The following CAPZB variants were observed in gnomAD, a reference collection of about 807,000 sequenced individuals.
CAPZB encodes the protein capping actin protein of muscle Z-line subunit beta.
In CAPZB, 2 loss-of-function variants were observed where a neutral mutation model predicts 38.1. The observed-to-expected ratio is 0.05, with a 90% CI of 0.02 to 0.17. The LOEUF (loss-of-function observed/expected upper bound fraction) is 0.17. CAPZB is among the 10% of genes least tolerant of loss of function. The pLI is 1.00. For synonymous variants in CAPZB, 107 were observed against 127.4 expected, an observed-to-expected ratio of 0.84 and a Z score of 1.08; for missense variants, 161 against 334.2, an observed-to-expected ratio of 0.48 and a Z score of 4.04.
At chr1:19,460,474 A>G (rs12561994) in intron 1 of CAPZB, among the ~76,000 whole-genome samples, 1 of 147,572 alleles carries the variant, frequency 6.8e-6, no homozygotes, top group African/African-American at 2.5e-5. Context: ...GACAGGTTTC[A>G]CCGTGTTAGC....
At chr1:19,450,539 C>A (rs537765523) in intron 1 of CAPZB, among the ~76,000 whole-genome samples, 1 of 152,106 alleles carries the variant, frequency 6.6e-6, no homozygotes, top group African/African-American at 2.4e-5. Context: ...GCCTGTAAGA[C>A]AGCTTATGTT....
At chr1:19,381,136 T>A (rs1191484243) in intron 3 of CAPZB, among the ~76,000 whole-genome samples, 1 of 151,560 alleles carries the variant, frequency 6.6e-6, no homozygotes, top group African/African-American at 2.4e-5. Context: ...GCCACTGCAC[T>A]CCAGCCTGGG....
intron 3 of CAPZB, among the ~76,000 whole-genome samples, chr1:19,384,225 C>G (rs1220035623): frequency 6.6e-6 from 1 of 152,140 alleles, no homozygotes; most frequent in East Asian, 1.9e-4. Flanking sequence ...GGCCATGCCT[C>G]CTCCCTCATC....
In CAPZB at chr1:19,432,810, A is replaced by G. The variant is rs76463187; in HGVS notation, c.4-13060T>C. On this transcript the variant is annotated intron_variant, in intron 1 of 8. Coordinates refer to ENST00000264202, the MANE Select transcript of CAPZB (RefSeq NM_004930.5). ...CTCCAAAGAATGTTAAACACTCCCAATGAAATAAAATTAATTTCTAACGAC... is the reference window on the plus strand; with the variant it reads ...CTCCAAAGAATGTTAAACACTCCCAGTGAAATAAAATTAATTTCTAACGAC... 9.9e-3 allele frequency among the ~76,000 whole-genome samples: 1,511 copies of G among 152,370 alleles called. 62 individuals are homozygous for G. The East Asian group carries it at 0.12, about 12-fold the overall frequency.
At position 19,452,314 on chromosome 1, in the gene CAPZB, G is replaced by A. The variant is rs529137201; in HGVS notation, c.4-32564C>T. 2.2e-4 allele frequency among the ~76,000 whole-genome samples: 33 copies of A among 152,270 alleles called. No homozygotes were observed. In the Middle Eastern group the frequency reaches 0.014, roughly 63 times the overall value. On this transcript the variant is annotated intron_variant, in intron 1 of 8. Transcript: ENST00000264202. ...ATCTCCCTCCAGATGCCATGACCCCGTAGTTGTTGATCATTGCCCCCACTG... is the reference window on the plus strand; with the variant it reads ...ATCTCCCTCCAGATGCCATGACCCCATAGTTGTTGATCATTGCCCCCACTG...
intron 6 of CAPZB, among the ~76,000 whole-genome samples, chr1:19,352,300 G>GA (rs1327065157): frequency 2.6e-5 from 4 of 152,230 alleles, no homozygotes; most frequent in Non-Finnish European, 5.9e-5. Flanking sequence ...GCTGAGTGGG[G>GA]AGAGACTGCT....
intron 1 of CAPZB, among the ~76,000 whole-genome samples, chr1:19,450,105 T>C (rs773316229): frequency 7.8e-5 from 10 of 128,108 alleles, no homozygotes; most frequent in East Asian, 2.3e-4. Flanking sequence ...AATTGTACCA[T>C]TGCACTCCAA....
At chr1:19,404,826 G>C (rs2094322845) in intron 2 of CAPZB, among the ~76,000 whole-genome samples, 1 of 152,120 alleles carries the variant, frequency 6.6e-6, no homozygotes, top group Non-Finnish European at 1.5e-5. Flanking sequence ...TGGATGATTT[G>C]CACCAAGTAT....
At chr1:19,408,749 C>T (rs2094344535) in intron 2 of CAPZB, among the ~76,000 whole-genome samples, 1 of 152,228 alleles carries the variant, frequency 6.6e-6, no homozygotes. Flanking sequence ...GACCCAAAGA[C>T]CTGCAATTCC....
intron 1 of CAPZB, among the ~76,000 whole-genome samples, chr1:19,460,136 T>C (rs1046675797): frequency 6.6e-6 from 1 of 152,304 alleles, no homozygotes; most frequent in Middle Eastern, 3.4e-3. Flanking sequence ...ATCTGTAAAA[T>C]TGTGAAGGAA....
intron 2 of CAPZB, among the ~76,000 whole-genome samples, chr1:19,418,684 C>T (rs1225558170): frequency 1.3e-5 from 2 of 152,208 alleles, no homozygotes; most frequent in Non-Finnish European, 2.9e-5. Context: ...AATAGTCGCA[C>T]TACAGACCTT....
chr1:19,455,897 A>G (rs1187336180), intron 1 of CAPZB, among the ~76,000 whole-genome samples: 1 of 152,176 alleles, frequency 6.6e-6, no homozygotes, highest in African/African-American at 2.4e-5. Flanking sequence ...ATTTTATAAG[A>G]TTCTTATATG....
chr1:19,428,245 A>C (rs1361465436), intron 1 of CAPZB, among the ~76,000 whole-genome samples: 3 of 152,196 alleles, frequency 2.0e-5, no homozygotes, highest in Non-Finnish European at 2.9e-5. Flanking sequence ...TCTACTAAAA[A>C]TACAAAAATT....
chr1:19,480,381 T>C (rs949072584), intron 1 of CAPZB, among the ~76,000 whole-genome samples: 1 of 152,156 alleles, frequency 6.6e-6, no homozygotes, highest in Non-Finnish European at 1.5e-5. Flanking sequence ...CCAAGGGAAT[T>C]AGCCGCCTCA....
In CAPZB at chr1:19,356,420, C is replaced by T. The variant is rs2094021247; in HGVS notation, c.588+215G>A. ...GCCACAGCCAGCACCCGGCCTCCCTCAGCAGGAGGCCAGCAGAGTGCCAGC... is the reference window on the plus strand; with the variant it reads ...GCCACAGCCAGCACCCGGCCTCCCTTAGCAGGAGGCCAGCAGAGTGCCAGC... On this transcript the variant is annotated intron_variant, in intron 6 of 8. Transcript: ENST00000264202. This position sits in a 1 kb window ranked among gnomAD's most constrained non-coding sequence, Gnocchi z 4.3. Among the ~76,000 whole-genome samples the T allele has an allele frequency of 6.6e-6, 1 of 152,236 alleles. No homozygotes were observed. The highest frequency in any genetic ancestry group is 1.5e-5 in the Non-Finnish European group (1 of 68,046).
chr1:19,406,200 G>C (rs1246192547), intron 2 of CAPZB, among the ~76,000 whole-genome samples: 1 of 152,168 alleles, frequency 6.6e-6, no homozygotes, highest in African/African-American at 2.4e-5. Context: ...AAAGGAGGAG[G>C]GCGGGACTAT....
chr1:19,346,473 A>AG (rs1222918793), intron 6 of CAPZB, among the ~76,000 whole-genome samples: 1 of 140,648 alleles, frequency 7.1e-6, no homozygotes, highest in Non-Finnish European at 1.6e-5. Context: ...AAAAAAAAAA[A>AG]AAAAAGAAAG....
At position 19,339,088 on chromosome 1, in the gene CAPZB, C is replaced by T. The variant is rs1017809107; in HGVS notation, c.*442G>A. Reference sequence around the variant, plus strand: ...ACGACCCCCAACCCCAAGCAACTCCCAAACACACACGGAATAAGATTTCCA... The same window carrying T: ...ACGACCCCCAACCCCAAGCAACTCCTAAACACACACGGAATAAGATTTCCA... On this transcript the variant is annotated 3_prime_UTR_variant, in exon 9 of 9. Coordinates refer to ENST00000264202, the MANE Select transcript of CAPZB (RefSeq NM_004930.5). The T allele has an allele frequency of 5.9e-6, 1 of 169,106 alleles. No homozygotes were observed. Among genetic ancestry groups the T allele is most frequent in the Non-Finnish European group, 1.3e-5 (1 of 78,692 alleles). The allele number at this position is 169,106 out of a possible 1,614,324, so 10.5% of individuals were successfully genotyped here.
chr1:19,455,039 A>G (rs74056893), intron 1 of CAPZB, among the ~76,000 whole-genome samples: 19,031 of 152,338 alleles, frequency 0.12, 1,297 homozygotes, highest in Admixed American at 0.19. Context: ...CAGTCCAAGC[A>G]GCCAGGATGC....
Sources: gnomAD v4.1 joint callset for allele counts (sites outside exome capture counted in the v4.1 genomes callset) on GRCh38, gnomAD v4.1.1 for gene constraint, Gnocchi (gnomAD v3.1) non-coding constraint, MANE v1.5 for transcripts, NCBI Gene and HGNC (gene_info 2026-07-23, HGNC 2026-07-21) for gene names.